PDE10A: variants seen among roughly 807,000 people sequenced by gnomAD.
PDE10A encodes cAMP and cAMP-inhibited cGMP 3',5'-cyclic phosphodiesterase 10A.
PDE10A carries 39 observed loss-of-function variants against 97.7 expected under a neutral mutation model. The observed-to-expected ratio is 0.40, with a 90% CI of 0.31 to 0.52. The LOEUF (loss-of-function observed/expected upper bound fraction) is 0.52. Among genes scored for constraint, PDE10A ranks in the 20% least tolerant of loss-of-function variants. The probability of loss-of-function intolerance (pLI) is 0.56; values close to 1 mark genes in which losing one functional copy is unlikely to be tolerated. For missense variants in PDE10A, 731 were observed against 1,047.8 expected, an observed-to-expected ratio of 0.70 and a Z score of 4.17; for synonymous variants, 371 against 376.8, an observed-to-expected ratio of 0.98 and a Z score of 0.18.
chr6:165,392,812 A>G lies in PDE10A; in HGVS notation c.2304-16T>C. ...AAGCTCAAAGCTGCATGGAAAAGAA[A>G]TTGTTATGACTGAAACCAGTAGAGA... is the stretch of plus-strand genomic sequence containing the variant. On this transcript the variant is annotated splice_polypyrimidine_tract_variant and intron_variant, in intron 15 of 21. Coordinates refer to ENST00000539869, the MANE Select transcript of PDE10A (RefSeq NM_001385079.1). 1 of 1,612,620 alleles carries G rather than the reference A, an allele frequency of 6.2e-7. No homozygotes were observed. The highest frequency in any genetic ancestry group is 8.5e-7 in the Non-Finnish European group (1 of 1,178,968).
intron 1 of PDE10A, among the ~76,000 whole-genome samples, chr6:165,930,820 GCT>G (rs1406283708): frequency 2.6e-5 from 4 of 152,370 alleles, no homozygotes; most frequent in Non-Finnish European, 5.9e-5. Flanking sequence ...TGCGGGGAAG[GCT>G]CCCGGCTCAC....
In PDE10A at chr6:165,428,694, G is replaced by T; in HGVS notation, c.1617C>A (p.Asn539Lys). 2.3e-6 allele frequency: 3 copies of T among 1,318,110 alleles called. No individual in the cohort carries two copies. The highest frequency in any genetic ancestry group is 3.2e-6 in the Non-Finnish European group (3 of 924,522). The allele number at this position is 1,318,110 out of a possible 1,614,324, so 81.7% of individuals were successfully genotyped here. Residue 539 changes from asparagine (N) to lysine (K), a missense_variant, in exon 10 of 22, where the codon AAC becomes AAA. By Grantham distance (94) the Asn-to-Lys change is moderately conservative. Transcript: ENST00000539869. ...CAAGTAGAGAATCTATTGCAACTAT[G>T]TTATCAAAATATGTTCTGAAAAAAA... ...LLDVSKTYFD[N>K]IVAIDSLLEH... is the part of the protein sequence containing the mutation.
intron 1 of PDE10A, among the ~76,000 whole-genome samples, chr6:165,939,241 G>A (rs982598112): frequency 3.3e-5 from 5 of 152,160 alleles, no homozygotes; most frequent in Non-Finnish European, 5.9e-5. Context: ...TTGTTCTTGC[G>A]TTCAGATAGC....
chr6:165,396,265 T>C, intron 14 of PDE10A, 52 bp downstream of exon 14: 3 of 1,550,754 alleles, frequency 1.9e-6, no homozygotes, highest in Non-Finnish European at 2.7e-6. Context: ...CACTTTAAGT[T>C]CAATTCAATT....
At chr6:165,899,319 C>G (rs182671103) in intron 1 of PDE10A, among the ~76,000 whole-genome samples, 18 of 152,300 alleles carry the variant, frequency 1.2e-4, no homozygotes, top group Non-Finnish European at 2.6e-4. Flanking sequence ...CTGTTGAGAT[C>G]ATGGTACTCT....
intron 18 of PDE10A, among the ~76,000 whole-genome samples, chr6:165,346,630 G>A (rs1782328926): frequency 6.6e-6 from 1 of 152,074 alleles, no homozygotes. Flanking sequence ...TTTACCAAAG[G>A]AAGGCAAAAT....
At chr6:165,463,369 GT>G (rs1270710637) in intron 3 of PDE10A, among the ~76,000 whole-genome samples, 4 of 152,156 alleles carry the variant, frequency 2.6e-5, no homozygotes, top group Non-Finnish European at 5.9e-5. Context: ...CTACAAACTG[GT>G]TTTTGGATAC....
chr6:165,789,879 A>T (rs2128463299), intron 1 of PDE10A, among the ~76,000 whole-genome samples: 1 of 152,264 alleles, frequency 6.6e-6, no homozygotes, highest in South Asian at 2.1e-4. Flanking sequence ...TGATAGTTTG[A>T]CCCTGGTAAT....
chr6:165,573,879 G>C (rs1192895628), intron 1 of PDE10A, among the ~76,000 whole-genome samples: 1 of 152,214 alleles, frequency 6.6e-6, no homozygotes, highest in Non-Finnish European at 1.5e-5. Context: ...CTGACATCAG[G>C]GGAAGACTGT....
At chr6:165,917,564 G>A (rs1782641287) in intron 1 of PDE10A, among the ~76,000 whole-genome samples, 1 of 152,180 alleles carries the variant, frequency 6.6e-6, no homozygotes, top group African/African-American at 2.4e-5. Flanking sequence ...GGGAAAAGAC[G>A]TTGGCCTCTA....
chr6:165,665,065 TC>T (rs1790464277), upstream of PDE10A, among the ~76,000 whole-genome samples: 2 of 152,172 alleles, frequency 1.3e-5, no homozygotes, highest in African/African-American at 4.8e-5. Context: ...CGTCCTTTTC[TC>T]CAAGTGCTTG....
rs1783550116 is a variant in PDE10A at position 165,942,303 on chromosome 6, T to TGC, written c.-615+45225_-615+45226insGC. Among the ~76,000 whole-genome samples the TGC allele has an allele frequency of 3.3e-5, 5 of 150,652 alleles. No individual in the cohort carries two copies. In the South Asian group the frequency reaches 1.1e-3, roughly 32 times the overall value. On this transcript the variant is annotated intron_variant, in intron 1 of 19. Transcript: ENST00000366882. ...ATGTATGTGTGTGTATATATATATA[T>TGC]ACACACACATATATGCGCACACACA...
intron 1 of PDE10A, among the ~76,000 whole-genome samples, chr6:165,979,266 G>A (rs777333764): frequency 7.2e-5 from 11 of 152,188 alleles, no homozygotes; most frequent in Non-Finnish European, 1.3e-4. Flanking sequence ...TAGCACCAAG[G>A]GAAGGAGCAC....
intron 11 of PDE10A, among the ~76,000 whole-genome samples, chr6:165,416,535 TC>T (rs1190580763): frequency 2.0e-5 from 3 of 152,194 alleles, no homozygotes; most frequent in African/African-American, 7.2e-5. Flanking sequence ...ACTAGTATCC[TC>T]CTGCTCTGAA....
intron 15 of PDE10A, among the ~76,000 whole-genome samples, chr6:165,394,151 A>G (rs542264415): frequency 2.6e-4 from 39 of 151,954 alleles, no homozygotes; most frequent in Non-Finnish European, 5.0e-4. Flanking sequence ...ACGTGCCATG[A>G]TGGCTTGCTG....
At chr6:165,451,975 C>T (rs1455020387) in intron 3 of PDE10A, among the ~76,000 whole-genome samples, 1 of 152,154 alleles carries the variant, frequency 6.6e-6, no homozygotes, top group Non-Finnish European at 1.5e-5. Context: ...CAGAACTTCC[C>T]TGGTATATAT....
At chr6:165,691,616 C>T (rs1791304020) in intron 1 of PDE10A, among the ~76,000 whole-genome samples, 1 of 151,880 alleles carries the variant, frequency 6.6e-6, no homozygotes, top group African/African-American at 2.4e-5. Context: ...CACACACACA[C>T]ACACACACAG....
In PDE10A at chr6:165,418,517, A is replaced by G; in HGVS notation, c.1796+118T>C. 1 of 925,518 alleles carries G rather than the reference A, an allele frequency of 1.1e-6. No homozygotes were observed. The highest frequency in any genetic ancestry group is 1.6e-6 in the Non-Finnish European group (1 of 612,002). 57.3% of individuals were successfully genotyped at this position (925,518 alleles called of 1,614,324 possible). A position where few individuals can be genotyped will look rare whatever the true frequency, so the allele number is the denominator to read the frequency against. On this transcript the variant is annotated intron_variant, in intron 11 of 21. Coordinates refer to ENST00000539869, the MANE Select transcript of PDE10A (RefSeq NM_001385079.1). The surrounding 1 kb of genome is among the most constrained non-coding windows in gnomAD (Gnocchi z 4.8). ...CTTCAGGAGGCGGGTCCTGGTGGGA[A>G]TGATATCACAGTATGACAAGTATTG...
chr6:165,670,925 G>A (rs1355725776), intron 1 of PDE10A, among the ~76,000 whole-genome samples: 2 of 152,162 alleles, frequency 1.3e-5, no homozygotes, highest in Non-Finnish European at 2.9e-5. Flanking sequence ...AGGAAGTGCT[G>A]ATCTTATTAT....
Sources: gnomAD v4.1 joint callset for allele counts (sites outside exome capture counted in the v4.1 genomes callset) on GRCh38, gnomAD v4.1.1 for gene constraint, Gnocchi (gnomAD v3.1) non-coding constraint, MANE v1.5 for transcripts, NCBI Gene and HGNC (gene_info 2026-07-23, HGNC 2026-07-21) for gene names.